TBC1D22A: variants seen among roughly 807,000 people sequenced by gnomAD.
TBC1D22A encodes the protein putative GTPase activator.
A neutral mutation model predicts 60.2 loss-of-function variants in TBC1D22A; 38 were observed. The observed-to-expected ratio is 0.63, with a 90% CI of 0.49 to 0.83. The LOEUF is 0.83. Ranked by LOEUF, TBC1D22A falls within the 40% of genes least tolerant of loss-of-function variation. TBC1D22A has a pLI of 0.00. For synonymous variants in TBC1D22A, 302 were observed against 281.7 expected (o/e 1.07, Z -0.72); for missense variants, 628 against 701.0 (o/e 0.90, Z 1.18).
In TBC1D22A at chr22:46,814,853, C is replaced by T. The variant is rs57982504; in HGVS notation, c.637+17233C>T. Among the ~76,000 whole-genome samples the T allele has an allele frequency of 3.8e-3, 582 of 151,548 alleles. 4 individuals carry two copies. Among genetic ancestry groups the T allele is most frequent in the African/African-American group, 0.013 (545 of 41,296 alleles). On this transcript the variant is annotated intron_variant, in intron 4 of 12. Coordinates refer to ENST00000337137, the MANE Select transcript of TBC1D22A (RefSeq NM_014346.5). Reference sequence around the variant, plus strand: ...ATTTTTAGTAGAGACAGGGTTTCACCATGTTGGTCATGCTGGTCTCGAACC... The same window carrying T: ...ATTTTTAGTAGAGACAGGGTTTCACTATGTTGGTCATGCTGGTCTCGAACC...
At chr22:47,082,524 C>G (rs2064512150) in intron 11 of TBC1D22A, among the ~76,000 whole-genome samples, 1 of 152,170 alleles carries the variant, frequency 6.6e-6, no homozygotes, top group Non-Finnish European at 1.5e-5. Context: ...ATAAAAACTC[C>G]TATAGCTAAC....
chr22:46,852,159 C>T (rs556968404), intron 4 of TBC1D22A, among the ~76,000 whole-genome samples: 1 of 152,354 alleles, frequency 6.6e-6, no homozygotes, highest in South Asian at 2.1e-4. Context: ...ATGTCGTGGG[C>T]ATCACAGTGG....
intron 4 of TBC1D22A, among the ~76,000 whole-genome samples, chr22:46,840,608 C>CAT (rs2086711017): frequency 6.6e-6 from 1 of 152,102 alleles, no homozygotes; most frequent in Non-Finnish European, 1.5e-5. Context: ...TAGTGTGCGC[C>CAT]TGTAGTCCCA....
chr22:47,015,244 C>T (rs1048309903), intron 10 of TBC1D22A, among the ~76,000 whole-genome samples: 5 of 152,188 alleles, frequency 3.3e-5, no homozygotes, highest in Admixed American at 1.3e-4. Flanking sequence ...AGCCAGGATG[C>T]GGTTCCTGGC....
At chr22:47,017,248 G>A (rs1161429595) in intron 10 of TBC1D22A, among the ~76,000 whole-genome samples, 1 of 152,192 alleles carries the variant, frequency 6.6e-6, no homozygotes, top group South Asian at 2.1e-4. Flanking sequence ...ATTGCATTTT[G>A]TATGAAAGTC....
At chr22:47,027,737 T>C (rs1453460264) in intron 10 of TBC1D22A, among the ~76,000 whole-genome samples, 1 of 152,190 alleles carries the variant, frequency 6.6e-6, no homozygotes, top group Non-Finnish European at 1.5e-5. Flanking sequence ...TTTGGACAAA[T>C]AAATCGGACC....
At chr22:46,830,120 G>A (rs151209748) in intron 4 of TBC1D22A, among the ~76,000 whole-genome samples, 362 of 152,362 alleles carry the variant, frequency 2.4e-3, no homozygotes, top group African/African-American at 8.2e-3. Flanking sequence ...AGGGCTGGAA[G>A]GGTGTGGAGC....
intron 9 of TBC1D22A, among the ~76,000 whole-genome samples, chr22:46,977,057 A>G (rs1250626760): frequency 2.0e-5 from 3 of 152,178 alleles, no homozygotes; most frequent in Admixed American, 1.3e-4. Context: ...GCTCGGTTAC[A>G]CCCAGCACAC....
At chr22:46,797,385 A>G in intron 3 of TBC1D22A, 59 bp from the exon 4 acceptor site, 3 of 1,586,212 alleles carry the variant, frequency 1.9e-6, no homozygotes, top group Non-Finnish European at 2.6e-6. Context: ...CACAGCAAGG[A>G]GGAACGTGTA....
chr22:47,004,994 C>T (rs943505934), intron 10 of TBC1D22A, among the ~76,000 whole-genome samples: 1 of 151,804 alleles, frequency 6.6e-6, no homozygotes. Flanking sequence ...CATACACATA[C>T]ATGCCTTTAT....
intron 12 of TBC1D22A, among the ~76,000 whole-genome samples, chr22:47,154,347 C>T (rs924387400): frequency 5.3e-5 from 8 of 152,218 alleles, no homozygotes; most frequent in South Asian, 2.1e-4. Context: ...AGCTCTGTGT[C>T]GTGACGTTTG....
intron 11 of TBC1D22A, among the ~76,000 whole-genome samples, chr22:47,067,523 A>G (rs1222431888): frequency 6.6e-6 from 1 of 152,198 alleles, no homozygotes; most frequent in African/African-American, 2.4e-5. Context: ...GTACATCCAC[A>G]GAGAATTCCC....
At chr22:46,789,129 CT>C (rs11450774) in intron 1 of TBC1D22A, 210 of 136,120 alleles carry the variant, frequency 1.5e-3, no homozygotes, top group South Asian at 0.011. Context: ...TCCTTCTTTT[CT>C]TTTTTTTTTT....
At chr22:47,040,236 C>T (rs971977263) in intron 11 of TBC1D22A, among the ~76,000 whole-genome samples, 3 of 152,144 alleles carry the variant, frequency 2.0e-5, no homozygotes, top group African/African-American at 4.8e-5. Flanking sequence ...TGAGCCACCA[C>T]GCCTGGCCGG....
chr22:47,160,502 C>G (rs1177668253), intron 12 of TBC1D22A, among the ~76,000 whole-genome samples: 1 of 152,170 alleles, frequency 6.6e-6, no homozygotes, highest in African/African-American at 2.4e-5. Context: ...CCAGGGCATC[C>G]TGCAGGCCAC....
At chr22:47,018,629 A>T (rs1177301999) in intron 10 of TBC1D22A, among the ~76,000 whole-genome samples, 1 of 152,078 alleles carries the variant, frequency 6.6e-6, no homozygotes, top group Non-Finnish European at 1.5e-5. Flanking sequence ...GTCGCTGAGC[A>T]CCATGAGGCA....
At chr22:47,163,941 C>T (rs1422444224) in intron 12 of TBC1D22A, among the ~76,000 whole-genome samples, 2 of 152,250 alleles carry the variant, frequency 1.3e-5, no homozygotes, top group South Asian at 2.1e-4. Context: ...GTGAGCAGCC[C>T]ATGGCCACCT....
At chr22:47,107,746 C>T (rs558311297) in intron 11 of TBC1D22A, among the ~76,000 whole-genome samples, 7 of 152,252 alleles carry the variant, frequency 4.6e-5, no homozygotes, top group African/African-American at 1.4e-4. Flanking sequence ...GCCAGAGCAG[C>T]CTTGAAAAAG....
chr22:46,811,551 GGCA>G (rs569905757), intron 4 of TBC1D22A, among the ~76,000 whole-genome samples: 170 of 152,334 alleles, frequency 1.1e-3, no homozygotes, highest in African/African-American at 3.8e-3. Context: ...TGGCGAGGGT[GGCA>G]GCAGCAGCAA....
Sources: gnomAD v4.1 joint callset for allele counts (sites outside exome capture counted in the v4.1 genomes callset) on GRCh38, gnomAD v4.1.1 for gene constraint, MANE v1.5 for transcripts, NCBI Gene and HGNC (gene_info 2026-07-23, HGNC 2026-07-21) for gene names.